SH3GL2: variants seen among roughly 807,000 people sequenced by gnomAD.
The protein encoded by SH3GL2 is endophilin-A1.
Under a neutral mutation model 46.0 loss-of-function variants are expected in SH3GL2, and 24 were observed. That is an observed-to-expected ratio of 0.52 (90% CI 0.38 to 0.73). The LOEUF (loss-of-function observed/expected upper bound fraction) is 0.73, where lower values mean the gene tolerates loss of function less well. Ranked by LOEUF, SH3GL2 falls within the 30% of genes least tolerant of loss-of-function variation. The probability of loss-of-function intolerance (pLI) is 0.00; values close to 1 mark genes in which losing one functional copy is unlikely to be tolerated. For missense variants in SH3GL2, 413 were observed against 424.2 expected, an observed-to-expected ratio of 0.97 and a Z score of 0.23; for synonymous variants, 196 against 147.1, an observed-to-expected ratio of 1.33 and a Z score of -2.40.
intron 1 of SH3GL2, chr9:17,653,902 A>G (rs1291147160): frequency 1.8e-5 from 17 of 949,784 alleles, no homozygotes; most frequent in Non-Finnish European, 2.1e-5. Flanking sequence ...ACCTATCTTC[A>G]AACAGGTAGA....
intron 1 of SH3GL2, among the ~76,000 whole-genome samples, chr9:17,690,284 T>C (rs541173896): frequency 2.0e-5 from 3 of 152,268 alleles, no homozygotes; most frequent in Admixed American, 1.3e-4. Context: ...GCATTCAGCA[T>C]TCCCCCGGGC....
At chr9:17,792,692 T>C (rs900440136) in intron 7 of SH3GL2, among the ~76,000 whole-genome samples, 4 of 152,220 alleles carry the variant, frequency 2.6e-5, no homozygotes, top group African/African-American at 9.6e-5. Context: ...CATTTTCATC[T>C]GGAAACAGCT....
Position 17,701,973 on chromosome 9 carries a change from A to G in SH3GL2, c.46-45093A>G, listed in dbSNP as rs147616995. Among the ~76,000 whole-genome samples the G allele has an allele frequency of 2.9e-3, 446 of 152,196 alleles. 1 individual carries two copies. The highest frequency in any genetic ancestry group is 0.01 in the African/African-American group (431 of 41,548). ...TTATAAATTTATGGAAAAATAGTAAAGTATAGCCCAGGAAAATATAAGGAA... is the reference window on the plus strand; with the variant it reads ...TTATAAATTTATGGAAAAATAGTAAGGTATAGCCCAGGAAAATATAAGGAA... On this transcript the variant is annotated intron_variant, in intron 1 of 8. Coordinates refer to ENST00000380607, the MANE Select transcript of SH3GL2 (RefSeq NM_003026.5).
intron 1 of SH3GL2, among the ~76,000 whole-genome samples, chr9:17,615,911 C>A (rs958460401): frequency 6.6e-6 from 1 of 152,056 alleles, no homozygotes; most frequent in Admixed American, 6.5e-5. Context: ...CTCCATTTTA[C>A]TTTTTCTACT....
intron 1 of SH3GL2, among the ~76,000 whole-genome samples, chr9:17,713,081 T>C (rs1365448524): frequency 6.6e-6 from 1 of 151,530 alleles, no homozygotes; most frequent in Non-Finnish European, 1.5e-5. Context: ...GGGTTTTTTT[T>C]TTTAAATCAA....
At chr9:17,763,516 G>A (rs1418872433) in intron 3 of SH3GL2, among the ~76,000 whole-genome samples, 1 of 152,242 alleles carries the variant, frequency 6.6e-6, no homozygotes, top group East Asian at 1.9e-4. Context: ...TACACGTCAC[G>A]AGCAAAGGAA....
At chr9:17,657,591 T>C (rs1051905100) in intron 1 of SH3GL2, among the ~76,000 whole-genome samples, 2 of 152,244 alleles carry the variant, frequency 1.3e-5, no homozygotes, top group African/African-American at 4.8e-5. Flanking sequence ...CCAAGGCAGT[T>C]ATGAGGACTA....
chr9:17,779,079 A>C (rs1823726127), intron 3 of SH3GL2, among the ~76,000 whole-genome samples: 1 of 152,088 alleles, frequency 6.6e-6, no homozygotes, highest in Non-Finnish European at 1.5e-5. Flanking sequence ...CAACTCAAGG[A>C]GGTGATACAA....
Position 17,787,413 on chromosome 9 carries a change from G to A in SH3GL2, c.365G>A (p.Arg122Gln), listed in dbSNP as rs1438296171. Reference protein sequence around the residue: ...PALGEVGEAMRELSEVKDSLD... With the variant: ...PALGEVGEAMQELSEVKDSLD... ...CTTGGTGAGGTCGGGGAGGCCATGC[G>A]GGAACTGTCGGAGGTCAAAGACTCT... The change falls in exon 5 of 9, where the codon CGG (arginine) becomes CAG (glutamine). Residue 122 changes from arginine to glutamine, a missense_variant. Coordinates refer to ENST00000380607, the MANE Select transcript of SH3GL2 (RefSeq NM_003026.5). 4.3e-6 allele frequency: 7 copies of A among 1,612,652 alleles called. No homozygotes were observed. The highest frequency in any genetic ancestry group is 1.3e-5 in the African/African-American group (1 of 74,844).
At chr9:17,730,928 A>C (rs1290595052) in intron 1 of SH3GL2, among the ~76,000 whole-genome samples, 1 of 152,154 alleles carries the variant, frequency 6.6e-6, no homozygotes, top group African/African-American at 2.4e-5. Flanking sequence ...AGTTTTTTAA[A>C]TAAGTGCACA....
intron 1 of SH3GL2, among the ~76,000 whole-genome samples, chr9:17,736,843 A>G (rs1822351383): frequency 2.0e-5 from 3 of 152,120 alleles, no homozygotes; most frequent in African/African-American, 2.4e-5. Context: ...GTTCCAAATG[A>G]TATTTCTATA....
In SH3GL2 at chr9:17,795,689, T is replaced by TCTTCTTCCA; in HGVS notation, c.1005_1006insCTTCTTCCA (p.His335_Ser336insLeuLeuPro). On this transcript the variant is annotated inframe_insertion, in exon 9 of 9. Transcript: ENST00000380607. ...GGTATGAGGGGATGCTGCATGGCCA[T>TCTTCTTCCA]TCAGGCTTCTTCCCCATCAATTATG... 6.2e-7 allele frequency: 1 copy of TCTTCTTCCA among 1,614,048 alleles called. No individual in the cohort carries two copies. Among genetic ancestry groups the TCTTCTTCCA allele is most frequent in the Non-Finnish European group, 8.5e-7 (1 of 1,179,954 alleles).
intron 2 of SH3GL2, among the ~76,000 whole-genome samples, chr9:17,759,818 C>G (rs1369540958): frequency 6.6e-6 from 1 of 152,170 alleles, no homozygotes; most frequent in Non-Finnish European, 1.5e-5. Flanking sequence ...GATTTTCCTT[C>G]TCATCATAAC....
chr9:17,780,040 A>G (rs1348638334), intron 3 of SH3GL2, among the ~76,000 whole-genome samples: 2 of 152,216 alleles, frequency 1.3e-5, no homozygotes, highest in Admixed American at 6.5e-5. Flanking sequence ...TCCAGACCAC[A>G]TGCCAAACCA....
rs554845954 is a variant in SH3GL2 at position 17,725,324 on chromosome 9, G to T, written c.46-21742G>T. Among the ~76,000 whole-genome samples, 76 of 152,168 alleles carry T rather than the reference G, an allele frequency of 5.0e-4. No homozygotes were observed. In the South Asian group the frequency reaches 0.013, roughly 27 times the overall value. ...GTGCTTAGCCTTCTTTGTCTCTAGG[G>T]GTGAGTGTGATTCCAAGAGCACTCT... On this transcript the variant is annotated intron_variant, in intron 1 of 8. Coordinates refer to ENST00000380607, the MANE Select transcript of SH3GL2 (RefSeq NM_003026.5).
chr9:17,588,467 A>T (rs1818420481), intron 1 of SH3GL2, among the ~76,000 whole-genome samples: 1 of 152,196 alleles, frequency 6.6e-6, no homozygotes, highest in African/African-American at 2.4e-5. Flanking sequence ...CTGGTAGTGG[A>T]AGGAAAAATC....
intron 1 of SH3GL2, among the ~76,000 whole-genome samples, chr9:17,706,174 G>T (rs996010657): frequency 6.6e-6 from 1 of 151,936 alleles, no homozygotes; most frequent in Non-Finnish European, 1.5e-5. Context: ...TTCTGGAGTG[G>T]CAAAGGGACA....
intron 3 of SH3GL2, among the ~76,000 whole-genome samples, chr9:17,776,473 C>G (rs1045467394): frequency 2.6e-5 from 4 of 152,052 alleles, no homozygotes; most frequent in African/African-American, 9.7e-5. Flanking sequence ...AAATGTCTGT[C>G]ACAACCTCAA....
intron 1 of SH3GL2, among the ~76,000 whole-genome samples, chr9:17,712,663 CTATT>C (rs1490688467): frequency 1.3e-5 from 2 of 151,832 alleles, no homozygotes; most frequent in East Asian, 3.9e-4. Flanking sequence ...TAGCAGTGAT[CTATT>C]TGTCTTTTCT....
Sources: gnomAD v4.1 joint callset for allele counts (sites outside exome capture counted in the v4.1 genomes callset) on GRCh38, gnomAD v4.1.1 for gene constraint, MANE v1.5 for transcripts, NCBI Gene and HGNC (gene_info 2026-07-23, HGNC 2026-07-21) for gene names.